Variants in EFCAB6 observed in about 807,000 individuals in gnomAD.
EFCAB6 encodes the protein EF-hand calcium binding domain 6, also known as EF-hand calcium-binding domain-containing protein 6.
A neutral mutation model predicts 169.8 loss-of-function variants in EFCAB6; 156 were observed. The observed-to-expected ratio is 0.92, with a 90% CI of 0.81 to 1.05. The LOEUF (loss-of-function observed/expected upper bound fraction) is 1.05, where lower values mean the gene tolerates loss of function less well. Ranked by LOEUF, EFCAB6 falls within the 50% of genes least tolerant of loss-of-function variation. The pLI is 0.00. For missense variants in EFCAB6, 1,800 were observed against 1,829.1 expected, an observed-to-expected ratio of 0.98 and a Z score of 0.29; for synonymous variants, 698 against 676.4, an observed-to-expected ratio of 1.03 and a Z score of -0.50.
intron 8 of EFCAB6, among the ~76,000 whole-genome samples, chr22:43,719,966 C>T (rs145473688): frequency 1.1e-4 from 17 of 152,180 alleles, no homozygotes; most frequent in Admixed American, 8.5e-4. Flanking sequence ...GTATTATTAA[C>T]GAATAGCCAC....
chr22:43,793,144 A>G (rs899659549), intron 2 of EFCAB6, among the ~76,000 whole-genome samples: 31 of 152,168 alleles, frequency 2.0e-4, no homozygotes. Context: ...CTTGAATACA[A>G]AGTGATTCAA....
At chr22:43,727,246 T>A (rs1013265575) in intron 8 of EFCAB6, among the ~76,000 whole-genome samples, 1 of 152,072 alleles carries the variant, frequency 6.6e-6, no homozygotes, top group African/African-American at 2.4e-5. Context: ...GGCATGACAG[T>A]GAGATGCCAT....
At chr22:43,669,107 C>G (rs2057380472) in intron 15 of EFCAB6, 62 bp from the exon 16 acceptor site, 1 of 1,425,680 alleles carries the variant, frequency 7.0e-7, no homozygotes, top group South Asian at 1.8e-5. Context: ...AAAGACTGAC[C>G]CTGCCAAGGG....
At chr22:43,548,506 C>T (rs1263004706) in intron 27 of EFCAB6, among the ~76,000 whole-genome samples, 1 of 129,632 alleles carries the variant, frequency 7.7e-6, no homozygotes, top group Non-Finnish European at 1.6e-5. Context: ...AGCCACTGCA[C>T]CCCGGTCTGG....
chr22:43,576,876 A>C (rs2050291360), intron 25 of EFCAB6, among the ~76,000 whole-genome samples: 2 of 152,154 alleles, frequency 1.3e-5, no homozygotes, highest in South Asian at 4.1e-4. Flanking sequence ...CTTACATTCT[A>C]CTTCCTTTAA....
chr22:43,735,755 G>T, intron 7 of EFCAB6, 102 bp downstream of exon 7: 2 of 1,335,464 alleles, frequency 1.5e-6, no homozygotes, highest in Admixed American at 2.1e-5. Context: ...TGTGGCAGGG[G>T]GAGGTGAGAG....
intron 17 of EFCAB6, among the ~76,000 whole-genome samples, chr22:43,636,533 C>T (rs1167218536): frequency 6.6e-6 from 1 of 151,478 alleles, no homozygotes; most frequent in Non-Finnish European, 1.5e-5. Context: ...CAAACTGAGT[C>T]TTAGGGAGTT....
rs2061398689 is a variant in EFCAB6, at chr22:43,769,139, C to G, written c.352-3746G>C. Among the ~76,000 whole-genome samples, 5 of 152,302 alleles carry G rather than the reference C, an allele frequency of 3.3e-5. No homozygotes were observed. In the South Asian group the frequency reaches 1.0e-3, roughly 32 times the overall value. Reference sequence around the variant, plus strand: ...AAAGGGTAAACAAAATGTGGTCTATCCATACAATGGACTATTACTCAGCCA... The same window carrying G: ...AAAGGGTAAACAAAATGTGGTCTATGCATACAATGGACTATTACTCAGCCA... On this transcript the variant is annotated intron_variant, in intron 4 of 31. Coordinates refer to ENST00000262726, the MANE Select transcript of EFCAB6 (RefSeq NM_022785.4).
At chr22:43,773,453 A>G (rs2147981489) in intron 3 of EFCAB6, among the ~76,000 whole-genome samples, 2 of 152,384 alleles carry the variant, frequency 1.3e-5, no homozygotes, top group South Asian at 4.1e-4. Flanking sequence ...TTCACCTTTC[A>G]TCCCCTTGCC....
intron 2 of EFCAB6, among the ~76,000 whole-genome samples, chr22:43,784,263 T>C (rs1241682150): frequency 1.3e-5 from 2 of 151,714 alleles, no homozygotes; most frequent in Admixed American, 1.3e-4. Context: ...TCTTCAAAAG[T>C]GGATGTGGAT....
chr22:43,731,704 T>C lies in EFCAB6; in HGVS notation c.752A>G (p.Asn251Ser). ...TATACTTTAAAAATACTTACCTTGA[T>C]TTCCCATACAATATCTAAGGTTCAA... ...NDLNLRYCMGNQEVSLENQQA... is the reference protein window; with the variant it reads ...NDLNLRYCMGSQEVSLENQQA... The change falls in exon 8 of 32, where the codon AAT (asparagine) becomes AGT (serine). Residue 251 changes from asparagine to serine, a missense_variant. Transcript: ENST00000262726. 6.4e-7 allele frequency: 1 copy of C among 1,574,324 alleles called. No homozygotes were observed. Among genetic ancestry groups the C allele is most frequent in the South Asian group, 1.2e-5 (1 of 83,362 alleles).
intron 19 of EFCAB6, 79 bp downstream of exon 19, chr22:43,632,026 G>A: frequency 1.3e-6 from 2 of 1,558,794 alleles, no homozygotes; most frequent in East Asian, 4.5e-5. Flanking sequence ...ACCTACACCA[G>A]GACTCACACC....
At chr22:43,791,152 T>C (rs764016573) in intron 2 of EFCAB6, among the ~76,000 whole-genome samples, 5 of 152,084 alleles carry the variant, frequency 3.3e-5, no homozygotes, top group Admixed American at 6.6e-5. Flanking sequence ...GGTGGGCAGA[T>C]TGCTCGAGCT....
chr22:43,565,324 G>A (rs1024345397), intron 26 of EFCAB6, among the ~76,000 whole-genome samples: 1 of 152,218 alleles, frequency 6.6e-6, no homozygotes, highest in Non-Finnish European at 1.5e-5. Flanking sequence ...AAAACTGAAT[G>A]AATGGATGTT....
chr22:43,710,567 CTG>C (rs754902610), intron 10 of EFCAB6, among the ~76,000 whole-genome samples: 102 of 152,290 alleles, frequency 6.7e-4, no homozygotes, highest in Non-Finnish European at 1.3e-3. Context: ...CTTATATTAA[CTG>C]TGTCTTGTTG....
chr22:43,639,438 T>C (rs761406589), intron 17 of EFCAB6, among the ~76,000 whole-genome samples: 2 of 152,208 alleles, frequency 1.3e-5, no homozygotes, highest in Non-Finnish European at 2.9e-5. Context: ...GTTTTGCTTT[T>C]GCTTTTTTCC....
In EFCAB6 at chr22:43,696,092, G is replaced by C. The variant is rs550466762; in HGVS notation, c.1032-8511C>G. 2.6e-5 allele frequency among the ~76,000 whole-genome samples: 4 copies of C among 152,126 alleles called. No homozygotes were observed. In the East Asian group the frequency reaches 7.7e-4, roughly 29 times the overall value. The stretch of plus-strand genomic sequence containing the variant: ...AATGCTTATACTCAGAGTATATAAA[G>C]AACTCTTACAAATCAGCAATAGGAA... On this transcript the variant is annotated intron_variant, in intron 10 of 31. Transcript: ENST00000262726.
At chr22:43,714,936 G>A (rs1460965490) in intron 9 of EFCAB6, among the ~76,000 whole-genome samples, 2 of 152,122 alleles carry the variant, frequency 1.3e-5, no homozygotes, top group Non-Finnish European at 2.9e-5. Context: ...CAAAACAACA[G>A]GGGGAATTAT....
chr22:43,538,453 A>T (rs1340678538), intron 28 of EFCAB6, among the ~76,000 whole-genome samples: 4 of 152,110 alleles, frequency 2.6e-5, no homozygotes, highest in Non-Finnish European at 2.9e-5. Flanking sequence ...CAGTGGTGCA[A>T]TCTCGGCTCA....
Sources: allele counts gnomAD v4.1 joint callset (sites outside exome capture counted in the v4.1 genomes callset), GRCh38; gene constraint gnomAD v4.1.1; transcripts MANE v1.5; gene names NCBI Gene and HGNC (gene_info 2026-07-23, HGNC 2026-07-21).